Variants in ATP13A3 observed in about 807,000 individuals in gnomAD.
ATP13A3 encodes the protein ATPase 13A3.
Under a neutral mutation model 158.1 loss-of-function variants are expected in ATP13A3, and 59 were observed. The ratio of observed to expected loss-of-function variants is 0.37; its 90% CI spans 0.30 to 0.46. ATP13A3 has a LOEUF of 0.46. ATP13A3 is among the 20% of genes least tolerant of loss of function. ATP13A3 has a pLI of 1.00. For missense variants in ATP13A3, 1,166 were observed against 1,525.2 expected (o/e 0.76, Z 3.92); for synonymous variants, 491 against 504.3 (o/e 0.97, Z 0.35).
chr3:194,472,611 C>G (rs1189940333), intron 2 of ATP13A3, among the ~76,000 whole-genome samples: 2 of 152,146 alleles, frequency 1.3e-5, no homozygotes, highest in Non-Finnish European at 2.9e-5. Flanking sequence ...GAACTAAAAA[C>G]AGAACTACTA....
chr3:194,418,843 G>A (rs917368664), intron 31 of ATP13A3, among the ~76,000 whole-genome samples: 1 of 152,212 alleles, frequency 6.6e-6, no homozygotes, highest in African/African-American at 2.4e-5. Context: ...CACTGGAAGT[G>A]TCTGGAATTA....
chr3:194,415,661 CTTTTTTTT>C (rs751005733), intron 31 of ATP13A3, among the ~76,000 whole-genome samples: 918 of 90,902 alleles, frequency 0.01, 14 homozygotes, highest in African/African-American at 0.038. Context: ...ATACCACATT[CTTTTTTTT>C]TTTTTTTTTT....
At chr3:194,443,872 C>A (rs915184250) in intron 15 of ATP13A3, among the ~76,000 whole-genome samples, 13 of 151,926 alleles carry the variant, frequency 8.6e-5, no homozygotes, top group African/African-American at 2.9e-4. Flanking sequence ...ATAAAAAAGA[C>A]CTCTAACAAA....
intron 2 of ATP13A3, among the ~76,000 whole-genome samples, chr3:194,470,162 T>TG (rs747271723): frequency 6.6e-6 from 1 of 152,226 alleles, no homozygotes; most frequent in African/African-American, 2.4e-5. Flanking sequence ...CTTCCCATCT[T>TG]GGACTTTCTC....
chr3:194,491,962 C>T (rs1011667110), upstream of ATP13A3, among the ~76,000 whole-genome samples: 8 of 152,196 alleles, frequency 5.3e-5, no homozygotes, highest in African/African-American at 1.9e-4. Context: ...CCTTGCCCAC[C>T]TCCAGTGCAT....
intron 20 of ATP13A3, among the ~76,000 whole-genome samples, chr3:194,436,831 G>A (rs1049505436): frequency 1.3e-5 from 2 of 152,190 alleles, no homozygotes; most frequent in Admixed American, 6.5e-5. Context: ...CCGGGGAGGC[G>A]GAGGTTGCAG....
rs978789724 is a variant in ATP13A3 at position 194,448,124 on chromosome 3, C to T, written c.1151-115G>A. 3 of 1,049,864 alleles carry T rather than the reference C, an allele frequency of 2.9e-6. No homozygotes were observed. In the African/African-American group the frequency reaches 4.9e-5, roughly 17 times the overall value. The allele number at this position is 1,049,864 out of a possible 1,614,324, so 65.0% of individuals were successfully genotyped here. A position where few individuals can be genotyped will look rare whatever the true frequency, so the allele number is the denominator to read the frequency against. Reference sequence around the variant, plus strand: ...ACAGAGTCTCGCTCTGTCACCCAGGCTGGAGTACAGTGGTGTGATCTCGAC... The same window carrying T: ...ACAGAGTCTCGCTCTGTCACCCAGGTTGGAGTACAGTGGTGTGATCTCGAC... On this transcript the variant is annotated intron_variant, in intron 12 of 33. Coordinates refer to ENST00000645319, the MANE Select transcript of ATP13A3 (RefSeq NM_001367549.1). The surrounding 1 kb of genome is among the most constrained non-coding windows in gnomAD (Gnocchi z 4.0).
At chr3:194,437,694 T>C (rs1048918062) in intron 17 of ATP13A3, 121 bp from the exon 18 acceptor site, 6 of 1,069,274 alleles carry the variant, frequency 5.6e-6, no homozygotes, top group Non-Finnish European at 8.0e-6. Context: ...GCAACTGTTT[T>C]TCAAAGTCAG....
Position 194,448,014 on chromosome 3 carries a change from CAA to C in ATP13A3, c.1151-7_1151-6del. The C allele has an allele frequency of 1.3e-6, 2 of 1,580,216 alleles. No individual in the cohort carries two copies. The highest frequency in any genetic ancestry group is 1.7e-6 in the Non-Finnish European group (2 of 1,160,376). ...GTCCTTTGGAAGTACTAAATCCTTT[CAA>C]AAAAAGAAGACAATTATTGATATTT... On this transcript the variant is annotated splice_region_variant and splice_polypyrimidine_tract_variant and intron_variant, in intron 12 of 33. Transcript: ENST00000645319. The surrounding 1 kb of genome is among the most constrained non-coding windows in gnomAD (Gnocchi z 4.0).
intron 7 of ATP13A3, among the ~76,000 whole-genome samples, 192 bp from the exon 8 acceptor site, chr3:194,456,154 T>C (rs1560103012): frequency 6.6e-6 from 1 of 152,112 alleles, no homozygotes; most frequent in African/African-American, 2.4e-5. Context: ...CCTATACTGG[T>C]AGCACTTAAC....
rs368925396 is a variant in ATP13A3 at position 194,460,792 on chromosome 3, T to C, written c.91A>G (p.Ile31Val). The change falls in exon 4 of 34, where the codon ATA (isoleucine) becomes GTA (valine). Residue 31 changes from isoleucine (I) to valine (V), a missense_variant. Around this residue, in one of 3 missense-constraint regions of ATP13A3, gnomAD observed 65 missense variants for 92.4 expected, o/e 0.70. Transcript: ENST00000645319. Reference sequence around the variant, plus strand: ...GAGCAAATCACTCCTAAAGAAACTATGGCAAGCTTCCAGCGACTCAAATTG... The same window carrying C: ...GAGCAAATCACTCCTAAAGAAACTACGGCAAGCTTCCAGCGACTCAAATTG... ...GYNLSRWKLA[I>V]VSLGVICSGG... The C allele has an allele frequency of 3.4e-5, 55 of 1,613,972 alleles. No homozygotes were observed. The highest frequency in any genetic ancestry group is 5.0e-5 in the Admixed American group (3 of 59,990).
intron 2 of ATP13A3, among the ~76,000 whole-genome samples, chr3:194,482,671 G>A (rs550836983): frequency 6.6e-6 from 1 of 152,260 alleles, no homozygotes. Context: ...AACTTAAGTG[G>A]TTAATTAGAA....
At position 194,448,644 on chromosome 3, in the gene ATP13A3, AAACAAC is replaced by A; in HGVS notation, c.971-14_971-9del. 1 of 1,603,746 alleles carries A rather than the reference AAACAAC, an allele frequency of 6.2e-7. No homozygotes were observed. The highest frequency in any genetic ancestry group is 8.5e-7 in the Non-Finnish European group (1 of 1,175,726). ...TCACTGGAACACTTTCTCCTTTAAA[AAACAAC>A]AACAACAACAAAAACAGTTTACAAA... On this transcript the variant is annotated splice_polypyrimidine_tract_variant and intron_variant, in intron 11 of 33. Transcript: ENST00000645319. This position sits in a 1 kb window ranked among gnomAD's most constrained non-coding sequence, Gnocchi z 4.0.
At chr3:194,421,265 A>T (rs528899225) in intron 30 of ATP13A3, among the ~76,000 whole-genome samples, 6 of 142,274 alleles carry the variant, frequency 4.2e-5, no homozygotes, top group African/African-American at 1.6e-4. Flanking sequence ...GATTAAAAAA[A>T]ATGTGGGGCT....
chr3:194,468,905 G>A (rs937519461), intron 2 of ATP13A3, among the ~76,000 whole-genome samples: 4 of 152,134 alleles, frequency 2.6e-5, no homozygotes, highest in African/African-American at 7.2e-5. Context: ...TCACCGAGGC[G>A]GGTGGAATGC....
At chr3:194,414,459 T>TAAAA (rs35965987) in intron 31 of ATP13A3, among the ~76,000 whole-genome samples, 2 of 134,310 alleles carry the variant, frequency 1.5e-5, no homozygotes, top group African/African-American at 5.6e-5. Context: ...GAACCTGCCT[T>TAAAA]AAAAAAAAAA....
upstream of ATP13A3, among the ~76,000 whole-genome samples, chr3:194,491,477 C>T (rs751714849): frequency 9.9e-5 from 15 of 151,844 alleles, no homozygotes; most frequent in Non-Finnish European, 2.2e-4. Flanking sequence ...TAATGCATGC[C>T]CCCTCATCTC....
At chr3:194,416,071 T>C (rs569253589) in intron 31 of ATP13A3, among the ~76,000 whole-genome samples, 1 of 152,314 alleles carries the variant, frequency 6.6e-6, no homozygotes, top group East Asian at 1.9e-4. Context: ...ATTCTAGAAA[T>C]GCAAAGTTAG....
intron 27 of ATP13A3, 85 bp from the exon 28 acceptor site, chr3:194,429,002 C>T (rs1717018559): frequency 4.5e-6 from 4 of 879,796 alleles, no homozygotes; most frequent in Non-Finnish European, 5.1e-6. Context: ...TTTGGATTTT[C>T]CCTATAATGA....
Sources: gnomAD v4.1 joint callset for allele counts (sites outside exome capture counted in the v4.1 genomes callset) on GRCh38, gnomAD v4.1.1 for gene constraint, gnomAD v4.1.1 regional missense constraint, Gnocchi (gnomAD v3.1) non-coding constraint, MANE v1.5 for transcripts, NCBI Gene and HGNC (gene_info 2026-07-23, HGNC 2026-07-21) for gene names.